The following VMP1 variants were observed in gnomAD, a reference collection of about 807,000 sequenced individuals.
VMP1 encodes the protein vacuole membrane protein 1, also known as ectopic P-granules autophagy protein 3 homolog.
A neutral mutation model predicts 56.0 loss-of-function variants in VMP1; 11 were observed. The observed-to-expected ratio is 0.20, with a 90% CI of 0.12 to 0.32. The LOEUF (loss-of-function observed/expected upper bound fraction) is 0.32. Ranked by LOEUF, VMP1 falls within the 10% of genes least tolerant of loss-of-function variation. The pLI, the probability that VMP1 is intolerant of heterozygous loss-of-function variation, is 1.00. For synonymous variants in VMP1, 149 were observed against 165.0 expected (o/e 0.90, Z 0.74); for missense variants, 296 against 490.3 (o/e 0.60, Z 3.74).
intron 1 of VMP1, among the ~76,000 whole-genome samples, chr17:59,708,723 A>G (rs749795172): frequency 2.0e-5 from 3 of 152,188 alleles, no homozygotes; most frequent in Non-Finnish European, 4.4e-5. Context: ...CTACCTAGTA[A>G]TTGTATTGTC....
chr17:59,750,290 G>A (rs9889849), intron 5 of VMP1, among the ~76,000 whole-genome samples: 1,939 of 148,056 alleles, frequency 0.013, 37 homozygotes, highest in African/African-American at 0.046. Context: ...CAAAAAATAG[G>A]CACAATGAAT....
At position 59,740,793 on chromosome 17, in the gene VMP1, G is replaced by A. The variant is rs140483192; in HGVS notation, c.414+1846G>A. Among the ~76,000 whole-genome samples the A allele has an allele frequency of 7.1e-3, 1,086 of 152,284 alleles. 14 individuals carry two copies. The highest frequency in any genetic ancestry group is 0.025 in the African/African-American group (1,025 of 41,552). The stretch of plus-strand genomic sequence containing the variant: ...CAGGTTACAGGATACTTTTCTGTTC[G>A]TGTCTAGACCTGTCCTCATATTCCT... On this transcript the variant is annotated intron_variant, in intron 5 of 11. Transcript: ENST00000262291.
chr17:59,726,527 C>T (rs1444882322), intron 1 of VMP1, among the ~76,000 whole-genome samples: 4 of 152,104 alleles, frequency 2.6e-5, no homozygotes, highest in African/African-American at 7.2e-5. Flanking sequence ...CTCCTGACCT[C>T]GGGTGATCTG....
chr17:59,720,921 C>T (rs978990796), intron 1 of VMP1, among the ~76,000 whole-genome samples: 3 of 151,440 alleles, frequency 2.0e-5, no homozygotes, highest in African/African-American at 7.3e-5. Flanking sequence ...TGCGGTGAGC[C>T]GAGATTGTGC....
chr17:59,794,915 G>A (rs9898420), intron 7 of VMP1, among the ~76,000 whole-genome samples: 1 of 150,822 alleles, frequency 6.6e-6, no homozygotes, highest in South Asian at 2.1e-4. Flanking sequence ...GCATTCAGGA[G>A]AAGTAATAGC....
intron 6 of VMP1, among the ~76,000 whole-genome samples, chr17:59,770,644 C>G (rs984598449): frequency 6.6e-6 from 1 of 151,098 alleles, no homozygotes; most frequent in Non-Finnish European, 1.5e-5. Context: ...AGTGCAATGG[C>G]ACAATCTCAT....
rs778872499 is a variant in VMP1 at position 59,838,304 on chromosome 17, C to G, written c.984C>G (p.Pro328=). ...EQMVAFIGAV[P]GIGPSLQKPF... ...TGTACCCTGCTTCCAGTGCTGTCCC[C>G]GGCATAGGTCCATCTCTGCAGAAGC... Residue 328 remains proline (P), a synonymous_variant, in exon 11 of 12, where the codon CCC becomes CCG. Transcript: ENST00000262291. 6.2e-7 allele frequency: 1 copy of G among 1,613,662 alleles called. No individual in the cohort carries two copies. The highest frequency in any genetic ancestry group is 1.3e-5 in the African/African-American group (1 of 74,808).
At chr17:59,750,041 A>G (rs2035580326) in intron 5 of VMP1, among the ~76,000 whole-genome samples, 1 of 152,224 alleles carries the variant, frequency 6.6e-6, no homozygotes, top group Admixed American at 6.5e-5. Context: ...AAAGCCTATG[A>G]GAGATAAAAT....
At position 59,741,532 on chromosome 17, in the gene VMP1, C is replaced by G. The variant is rs556576485; in HGVS notation, c.414+2585C>G. Reference sequence around the variant, plus strand: ...AAATATGACAGAAATTTTAGAAGTACAATCAAGAGTGTGGTACGTTATTAT... The same window carrying G: ...AAATATGACAGAAATTTTAGAAGTAGAATCAAGAGTGTGGTACGTTATTAT... On this transcript the variant is annotated intron_variant, in intron 5 of 11. Coordinates refer to ENST00000262291, the MANE Select transcript of VMP1 (RefSeq NM_030938.5). 8.5e-5 allele frequency among the ~76,000 whole-genome samples: 13 copies of G among 152,182 alleles called. No homozygotes were observed. The East Asian group carries it at 2.5e-3, about 29-fold the overall frequency.
chr17:59,812,322 G>T (rs543175205), intron 9 of VMP1, among the ~76,000 whole-genome samples: 17 of 152,264 alleles, frequency 1.1e-4, no homozygotes, highest in Admixed American at 7.2e-4. Context: ...GGGAAGAAGA[G>T]GGTCTCTGAA....
chr17:59,821,882 G>A (rs868596908), intron 10 of VMP1, among the ~76,000 whole-genome samples: 3 of 148,902 alleles, frequency 2.0e-5, no homozygotes, highest in Non-Finnish European at 4.5e-5. Context: ...TTGCTTTGTC[G>A]CCCAGGCTGG....
intron 8 of VMP1, among the ~76,000 whole-genome samples, chr17:59,809,446 T>C (rs1377538069): frequency 2.8e-5 from 4 of 141,736 alleles, no homozygotes; most frequent in African/African-American, 1.1e-4. Flanking sequence ...CCTCCCAAAG[T>C]AGCTGGGATT....
At chr17:59,763,229 T>A (rs1273817106) in intron 5 of VMP1, among the ~76,000 whole-genome samples, 2 of 152,102 alleles carry the variant, frequency 1.3e-5, no homozygotes, top group African/African-American at 4.8e-5. Context: ...TTATTCTGAA[T>A]ATCACAAACT....
intron 7 of VMP1, among the ~76,000 whole-genome samples, chr17:59,802,523 G>A (rs1373289329): frequency 6.6e-6 from 1 of 152,120 alleles, no homozygotes; most frequent in Non-Finnish European, 1.5e-5. Context: ...TATTAACCAA[G>A]TATACATTTA....
At chr17:59,774,941 ATTTT>A (rs11354629) in intron 7 of VMP1, among the ~76,000 whole-genome samples, 2 of 137,540 alleles carry the variant, frequency 1.5e-5, no homozygotes, top group African/African-American at 2.7e-5. Context: ...TACAAAAAAA[ATTTT>A]TTTTTTTTTT....
chr17:59,756,101 A>G (rs1485919111), intron 5 of VMP1, among the ~76,000 whole-genome samples: 2 of 152,106 alleles, frequency 1.3e-5, no homozygotes, highest in Non-Finnish European at 2.9e-5. Context: ...GAATATAAAC[A>G]CTGGTTAAAC....
At chr17:59,816,677 C>T (rs570870788) in intron 9 of VMP1, among the ~76,000 whole-genome samples, 1 of 151,598 alleles carries the variant, frequency 6.6e-6, no homozygotes, top group East Asian at 1.9e-4. Flanking sequence ...TGGTGGCGGG[C>T]GCCTGTAGTC....
At chr17:59,722,136 A>T (rs1000278595) in intron 1 of VMP1, among the ~76,000 whole-genome samples, 9 of 152,330 alleles carry the variant, frequency 5.9e-5, no homozygotes, top group African/African-American at 2.2e-4. Flanking sequence ...AATTATAGTC[A>T]CATGAGTGTT....
chr17:59,836,524 C>A (rs1476275739), intron 10 of VMP1, among the ~76,000 whole-genome samples: 1 of 152,094 alleles, frequency 6.6e-6, no homozygotes, highest in Non-Finnish European at 1.5e-5. Context: ...CAACTTCACC[C>A]CTCACTGATC....
Sources: allele counts gnomAD v4.1 joint callset (sites outside exome capture counted in the v4.1 genomes callset), GRCh38; gene constraint gnomAD v4.1.1; transcripts MANE v1.5; gene names NCBI Gene and HGNC (gene_info 2026-07-23, HGNC 2026-07-21).